Variants in EVI5 observed in about 807,000 individuals in gnomAD.
The protein encoded by EVI5 is ecotropic viral integration site 5.
Under a neutral mutation model 112.0 loss-of-function variants are expected in EVI5, and 73 were observed. The observed-to-expected ratio is 0.65, with a 90% CI of 0.54 to 0.79. EVI5 has a LOEUF of 0.79. EVI5 is among the 30% of genes least tolerant of loss of function. The probability of loss-of-function intolerance (pLI) is 0.00; values close to 1 mark genes in which losing one functional copy is unlikely to be tolerated. For missense variants in EVI5, 900 were observed against 968.8 expected (o/e 0.93, Z 0.94); for synonymous variants, 305 against 319.9 (o/e 0.95, Z 0.50).
chr1:92,516,747 C>G (rs1659952762), intron 19 of EVI5, among the ~76,000 whole-genome samples: 1 of 152,182 alleles, frequency 6.6e-6, no homozygotes, highest in Non-Finnish European at 1.5e-5. Flanking sequence ...CAGCTGGGCC[C>G]TCTAAAGTGC....
intron 2 of EVI5, among the ~76,000 whole-genome samples, chr1:92,707,380 G>T (rs764966429): frequency 6.7e-6 from 1 of 149,008 alleles, no homozygotes; most frequent in Non-Finnish European, 1.5e-5. Flanking sequence ...CAGAGAGTAA[G>T]AAGAAAAAAA....
intron 1 of EVI5, among the ~76,000 whole-genome samples, chr1:92,751,206 T>G (rs1376409696): frequency 6.6e-6 from 1 of 152,210 alleles, no homozygotes; most frequent in African/African-American, 2.4e-5. Flanking sequence ...ATTCAGTGTA[T>G]GCATTAACAT....
intron 18 of EVI5, among the ~76,000 whole-genome samples, chr1:92,603,778 G>C (rs1649724090): frequency 6.6e-6 from 1 of 151,688 alleles, no homozygotes; most frequent in Non-Finnish European, 1.5e-5. Flanking sequence ...GCCCAGGCTG[G>C]AGTGCAGTGC....
At chr1:92,580,193 A>G (rs1671718919) in intron 18 of EVI5, among the ~76,000 whole-genome samples, 1 of 152,228 alleles carries the variant, frequency 6.6e-6, no homozygotes, top group South Asian at 2.1e-4. Context: ...AAAATTCTAG[A>G]AGTTTGTCCA....
At chr1:92,619,298 C>T (rs908418031) in intron 16 of EVI5, among the ~76,000 whole-genome samples, 2 of 152,078 alleles carry the variant, frequency 1.3e-5, no homozygotes, top group African/African-American at 4.8e-5. Flanking sequence ...TATATCTTTC[C>T]CCCATCCTGG....
chr1:92,649,606 A>T (rs1026859691), intron 13 of EVI5, among the ~76,000 whole-genome samples: 3 of 152,158 alleles, frequency 2.0e-5, no homozygotes, highest in Non-Finnish European at 4.4e-5. Context: ...GCTTGAGTTC[A>T]GCTTGAGGCC....
chr1:92,668,924 A>T (rs1230236494), intron 10 of EVI5, among the ~76,000 whole-genome samples: 2 of 152,240 alleles, frequency 1.3e-5, no homozygotes, highest in Non-Finnish European at 2.9e-5. Context: ...AAATACTAGT[A>T]TACTAAAGTA....
At chr1:92,598,128 A>G (rs1039615854) in intron 18 of EVI5, among the ~76,000 whole-genome samples, 3 of 152,054 alleles carry the variant, frequency 2.0e-5, no homozygotes, top group Non-Finnish European at 4.4e-5. Flanking sequence ...TGTCTCCCCC[A>G]CCACTGCCCA....
chr1:92,527,070 G>C (rs1408916), intron 19 of EVI5, among the ~76,000 whole-genome samples: 4 of 152,148 alleles, frequency 2.6e-5, no homozygotes, highest in African/African-American at 2.4e-5. Flanking sequence ...TGGCCATAAC[G>C]CTCTAATAGC....
intron 18 of EVI5, among the ~76,000 whole-genome samples, chr1:92,604,019 G>T (rs1252040587): frequency 6.6e-6 from 1 of 151,848 alleles, no homozygotes; most frequent in Non-Finnish European, 1.5e-5. Flanking sequence ...ACAGGCATGA[G>T]TCATTACACC....
intron 2 of EVI5, among the ~76,000 whole-genome samples, chr1:92,723,070 C>T (rs1423481069): frequency 6.6e-6 from 1 of 152,176 alleles, no homozygotes; most frequent in Non-Finnish European, 1.5e-5. Flanking sequence ...AATCCTGTTC[C>T]CTGTGAATTT....
intron 13 of EVI5, among the ~76,000 whole-genome samples, chr1:92,643,053 GA>G (rs1331168562): frequency 1.3e-5 from 2 of 152,130 alleles, no homozygotes; most frequent in African/African-American, 4.8e-5. Flanking sequence ...GTCTCATCAG[GA>G]AAAGTTGTCC....
rs544403904 is a variant in EVI5, at chr1:92,693,654, C to T, written c.1097+148G>A. 6 of 575,500 alleles carry T rather than the reference C, an allele frequency of 1.0e-5. No individual in the cohort carries two copies. The African/African-American group carries it at 1.1e-4, about 11-fold the overall frequency. 35.6% of individuals were successfully genotyped at this position (575,500 alleles called of 1,614,324 possible). A position where few individuals can be genotyped will look rare whatever the true frequency, so the allele number is the denominator to read the frequency against. On this transcript the variant is annotated intron_variant, in intron 9 of 19. Transcript: ENST00000684568. ...TAGTCCCATGCACCACTGTTAAAAG[C>T]AGTATATTCCAACATTAGCTTTATG...
At chr1:92,560,355 T>C (rs1180331208) in intron 19 of EVI5, among the ~76,000 whole-genome samples, 2 of 152,188 alleles carry the variant, frequency 1.3e-5, no homozygotes, top group African/African-American at 4.8e-5. Context: ...AACTACTGTA[T>C]TAGAAGTCTG....
At chr1:92,735,652 A>ATGACATAT (rs3042601) in intron 2 of EVI5, among the ~76,000 whole-genome samples, 127,423 of 142,216 alleles carry the variant, frequency 0.9, 57,192 homozygotes, top group East Asian at 0.97. Flanking sequence ...ATATATATAT[A>ATGACATAT]ATTATATAAT....
At chr1:92,516,454 G>C (rs572076497) in intron 19 of EVI5, among the ~76,000 whole-genome samples, 11 of 152,300 alleles carry the variant, frequency 7.2e-5, no homozygotes, top group African/African-American at 2.6e-4. Context: ...AATAGCAAAC[G>C]TAAAGGAATT....
intron 1 of EVI5, among the ~76,000 whole-genome samples, chr1:92,740,933 T>G (rs925494818): frequency 6.6e-6 from 1 of 152,170 alleles, no homozygotes; most frequent in African/African-American, 2.4e-5. Flanking sequence ...ATATGAAATT[T>G]TGACCAGCCT....
At chr1:92,783,280 C>G (rs1228967701) in intron 1 of EVI5, among the ~76,000 whole-genome samples, 1 of 151,644 alleles carries the variant, frequency 6.6e-6, no homozygotes, top group African/African-American at 2.4e-5. Flanking sequence ...AATCCCAGCA[C>G]TTTCGAAGGC....
chr1:92,516,555 G>A (rs993160135), intron 19 of EVI5, among the ~76,000 whole-genome samples: 2 of 152,152 alleles, frequency 1.3e-5, no homozygotes, highest in Non-Finnish European at 2.9e-5. Flanking sequence ...ACTTAGGTGT[G>A]TGCACACTGG....
Sources: allele counts gnomAD v4.1 joint callset (sites outside exome capture counted in the v4.1 genomes callset), GRCh38; gene constraint gnomAD v4.1.1; transcripts MANE v1.5; gene names NCBI Gene and HGNC (gene_info 2026-07-23, HGNC 2026-07-21).